BRF1: variants seen among roughly 807,000 people sequenced by gnomAD.
BRF1 encodes the protein transcription factor IIIB 90 kDa subunit.
Under a neutral mutation model 81.7 loss-of-function variants are expected in BRF1, and 59 were observed. The ratio of observed to expected loss-of-function variants is 0.72; its 90% CI spans 0.59 to 0.90. BRF1 has a LOEUF of 0.90. BRF1 is among the 40% of genes least tolerant of loss of function. BRF1 has a pLI of 0.00. For missense variants in BRF1, 1,050 were observed against 936.3 expected, an observed-to-expected ratio of 1.12 and a Z score of -1.58; for synonymous variants, 491 against 395.6, an observed-to-expected ratio of 1.24 and a Z score of -2.86.
At chr14:105,247,560 G>A (rs1566830917) in intron 5 of BRF1, 6 of 985,366 alleles carry the variant, frequency 6.1e-6, no homozygotes, top group Middle Eastern at 5.2e-4. Flanking sequence ...ACTCTCCCAG[G>A]GAACATTCAC....
chr14:105,306,056 T>C (rs901193267), intron 1 of BRF1, among the ~76,000 whole-genome samples: 3 of 152,152 alleles, frequency 2.0e-5, no homozygotes, highest in African/African-American at 7.2e-5. Context: ...CATTCCTTCA[T>C]GGGGGCCCCA....
chr14:105,228,597 G>C (rs587723824), intron 7 of BRF1, among the ~76,000 whole-genome samples: 24 of 151,978 alleles, frequency 1.6e-4, no homozygotes, highest in Non-Finnish European at 2.5e-4. Context: ...CCGCAGGATA[G>C]GGCCGGCCCC....
chr14:105,219,431 G>A, intron 12 of BRF1, 199 bp from the exon 13 acceptor site: 1 of 1,206,128 alleles, frequency 8.3e-7, no homozygotes, highest in South Asian at 1.6e-5. Flanking sequence ...CCTGTCCCAA[G>A]GCCAACCACG....
chr14:105,250,438 C>T (rs765167130), intron 5 of BRF1: 10 of 1,613,852 alleles, frequency 6.2e-6, no homozygotes, highest in Non-Finnish European at 7.6e-6. Context: ...TCATGTCAGA[C>T]GGATCCAGTA....
At chr14:105,246,674 C>T (rs1395124848) in intron 5 of BRF1, among the ~76,000 whole-genome samples, 1 of 151,984 alleles carries the variant, frequency 6.6e-6, no homozygotes, top group Non-Finnish European at 1.5e-5. Context: ...CCAGGCTGGT[C>T]TCAAACTCCT....
At chr14:105,259,025 A>G (rs1164324904) in intron 3 of BRF1, among the ~76,000 whole-genome samples, 1 of 152,192 alleles carries the variant, frequency 6.6e-6, no homozygotes, top group African/African-American at 2.4e-5. Flanking sequence ...CAGCTCACCC[A>G]TGCTGCTGAT....
At chr14:105,268,886 C>T (rs1009840210) in intron 3 of BRF1, among the ~76,000 whole-genome samples, 2 of 152,234 alleles carry the variant, frequency 1.3e-5, no homozygotes, top group Admixed American at 6.5e-5. Context: ...AGCCCTGTCT[C>T]GGAGAAGAGA....
chr14:105,257,555 C>T (rs1274198708), intron 3 of BRF1, among the ~76,000 whole-genome samples: 3 of 152,146 alleles, frequency 2.0e-5, no homozygotes, highest in Non-Finnish European at 2.9e-5. Context: ...ACGGCTGGGA[C>T]GTGAGCGGTG....
At chr14:105,311,146 GT>G (rs2058341525) in intron 1 of BRF1, among the ~76,000 whole-genome samples, 1 of 152,084 alleles carries the variant, frequency 6.6e-6, no homozygotes, top group African/African-American at 2.4e-5. Context: ...TAGAGATGGG[GT>G]TTCACTATGT....
In BRF1 at chr14:105,248,414, A is replaced by C. The variant is rs2735818; in HGVS notation, c.544+4093T>G. ...GCGCCGGGAGCCGCCTTCCACGGCT[A>C]CCTCTGCACAGCGCGCGGCTCGCGC... On this transcript the variant is annotated intron_variant, in intron 5 of 17. Transcript: ENST00000547530. The C allele has an allele frequency of 7.1e-6, 7 of 985,196 alleles. No homozygotes were observed. The African/African-American group carries it at 1.0e-4, about 15-fold the overall frequency. 61.0% of individuals were successfully genotyped at this position (985,196 alleles called of 1,614,324 possible). A position where few individuals can be genotyped will look rare whatever the true frequency, so the allele number is the denominator to read the frequency against.
chr14:105,285,299 C>T (rs1002280997), intron 2 of BRF1, among the ~76,000 whole-genome samples: 12 of 152,228 alleles, frequency 7.9e-5, no homozygotes, highest in African/African-American at 2.9e-4. Context: ...CAGCGTGGAA[C>T]GGGCACCAGG....
At chr14:105,250,040 C>G in intron 5 of BRF1, 2 of 1,612,964 alleles carry the variant, frequency 1.2e-6, no homozygotes, top group Non-Finnish European at 1.7e-6. Context: ...GAGGCATGTT[C>G]TGGGGCGAGC....
In BRF1 at chr14:105,241,369, C is replaced by G; in HGVS notation, c.590G>C (p.Gly197Ala). 1 of 1,612,762 alleles carries G rather than the reference C, an allele frequency of 6.2e-7. No individual in the cohort carries two copies. The highest frequency in any genetic ancestry group is 8.5e-7 in the Non-Finnish European group (1 of 1,179,926). Residue 197 changes from glycine to alanine, a missense_variant, in exon 6 of 18, where the codon GGG (glycine) becomes GCG (alanine). By Grantham distance (60) the Gly-to-Ala change is moderately conservative. Around this residue, in one of 2 missense-constraint regions of BRF1, gnomAD observed 1,043 missense variants for 915.4 expected, o/e 1.14. Transcript: ENST00000547530. ...IPRFAHLLEF[G>A]EKNHEVSMTA... ...CATGGACACCTCGTGGTTCTTCTCC[C>G]CGAATTCCAGCAGGTGCGCAAAGCG...
chr14:105,282,667 T>C (rs2057154941), intron 2 of BRF1, among the ~76,000 whole-genome samples: 2 of 152,164 alleles, frequency 1.3e-5, no homozygotes. Flanking sequence ...GTGTAGTGGC[T>C]CACACCTCTA....
chr14:105,246,784 G>A, intron 5 of BRF1: 1 of 981,952 alleles, frequency 1.0e-6, no homozygotes, highest in South Asian at 4.7e-5. Context: ...AAAAATCAAA[G>A]TGCAAAGGGT....
At chr14:105,308,663 A>T (rs182743971) in intron 1 of BRF1, among the ~76,000 whole-genome samples, 1 of 151,868 alleles carries the variant, frequency 6.6e-6, no homozygotes, top group African/African-American at 2.4e-5. Context: ...TTGCAGTTTT[A>T]GTAGAGACAG....
chr14:105,298,554 T>C (rs1162082136), intron 1 of BRF1, among the ~76,000 whole-genome samples: 2 of 152,130 alleles, frequency 1.3e-5, no homozygotes, highest in Non-Finnish European at 2.9e-5. Context: ...ATACAAAACA[T>C]AGATGGACCA....
In BRF1 at chr14:105,315,050, C is replaced by G; in HGVS notation, c.-162+272G>C. The G allele has an allele frequency of 8.6e-7, 1 of 1,167,282 alleles. No homozygotes were observed. The highest frequency in any genetic ancestry group is 1.1e-6 in the Non-Finnish European group (1 of 937,782). The allele number at this position is 1,167,282 out of a possible 1,614,324, so 72.3% of individuals were successfully genotyped here. ...GCTGCGTGCCCAGGTACGCGCCGCC[C>G]GCCGCGCTTTGTTCCCGCCGGGCAC... On this transcript the variant is annotated intron_variant, in intron 1 of 17. Transcript: ENST00000327359. The surrounding 1 kb of genome is among the most constrained non-coding windows in gnomAD (Gnocchi z 4.4).
At chr14:105,275,206 G>T (rs932508392) in intron 2 of BRF1, among the ~76,000 whole-genome samples, 2 of 152,220 alleles carry the variant, frequency 1.3e-5, no homozygotes, top group African/African-American at 2.4e-5. Context: ...AGGGTACACA[G>T]TCTGGCAGGT....
Sources: gnomAD v4.1 joint callset for allele counts (sites outside exome capture counted in the v4.1 genomes callset) on GRCh38, gnomAD v4.1.1 for gene constraint, gnomAD v4.1.1 regional missense constraint, Gnocchi (gnomAD v3.1) non-coding constraint, MANE v1.5 for transcripts, NCBI Gene and HGNC (gene_info 2026-07-23, HGNC 2026-07-21) for gene names.